Variants in ELMO1 observed in about 807,000 individuals in gnomAD.
ELMO1 encodes engulfment and cell motility 1.
In ELMO1, 26 loss-of-function variants were observed where a neutral mutation model predicts 98.9. The observed-to-expected ratio is 0.26, with a 90% CI of 0.19 to 0.36. The LOEUF is 0.36. Among genes scored for constraint, ELMO1 ranks in the 10% least tolerant of loss-of-function variants. The probability of loss-of-function intolerance (pLI) is 1.00; values close to 1 mark genes in which losing one functional copy is unlikely to be tolerated. For synonymous variants in ELMO1, 346 were observed against 346.0 expected (o/e 1.00, Z 0.00); for missense variants, 627 against 935.2 (o/e 0.67, Z 4.30).
In ELMO1 at chr7:37,390,441, C is replaced by G. The variant is rs1583672119; in HGVS notation, c.-73-47678G>C. 3.3e-5 allele frequency among the ~76,000 whole-genome samples: 5 copies of G among 152,142 alleles called. No homozygotes were observed. The East Asian group carries it at 7.7e-4, about 23-fold the overall frequency. On this transcript the variant is annotated intron_variant, in intron 1 of 21. Transcript: ENST00000310758. ...GTAGGGTGCCCCAAGGAGCACATTT[C>G]TTATTACACTCTGCCTTTTTTTTTT...
At chr7:37,323,534 A>G (rs913729026) in intron 2 of ELMO1, among the ~76,000 whole-genome samples, 30 of 152,188 alleles carry the variant, frequency 2.0e-4, no homozygotes, top group Admixed American at 1.9e-3. Flanking sequence ...TCTCTACTAA[A>G]TTACAAAAAT....
chr7:37,199,779 A>G (rs1229089716), intron 13 of ELMO1, among the ~76,000 whole-genome samples: 1 of 152,182 alleles, frequency 6.6e-6, no homozygotes, highest in East Asian at 1.9e-4. Context: ...TCCTTTCTCA[A>G]TGCAGCTGAC....
At chr7:36,920,099 C>T (rs1310845354) in intron 16 of ELMO1, among the ~76,000 whole-genome samples, 8 of 152,224 alleles carry the variant, frequency 5.3e-5, no homozygotes, top group Admixed American at 5.2e-4. Context: ...TTCAGCCTGG[C>T]CACTAAGACC....
rs951457253 is a variant in ELMO1, at chr7:36,887,718, G to A, written c.1602-46C>T. The A allele has an allele frequency of 3.1e-6, 5 of 1,589,828 alleles. No homozygotes were observed. The East Asian group carries it at 1.1e-4, about 36-fold the overall frequency. On this transcript the variant is annotated intron_variant, in intron 17 of 21. Transcript: ENST00000310758. ...ATTCCACAGCATGCCTTGAGAAACAGAGTGTGGCTTGGTGGGCATCATGGG... is the reference window on the plus strand; with the variant it reads ...ATTCCACAGCATGCCTTGAGAAACAAAGTGTGGCTTGGTGGGCATCATGGG...
At chr7:37,042,540 G>A (rs143497678) in intron 15 of ELMO1, among the ~76,000 whole-genome samples, 7 of 152,198 alleles carry the variant, frequency 4.6e-5, no homozygotes, top group African/African-American at 4.8e-5. Context: ...CTTTGGGCCC[G>A]GTCAGCTGTA....
intron 14 of ELMO1, among the ~76,000 whole-genome samples, chr7:37,103,691 T>TA (rs569178728): frequency 4.0e-5 from 6 of 150,984 alleles, no homozygotes; most frequent in Non-Finnish European, 8.9e-5. Flanking sequence ...AAATATTAAA[T>TA]AAAAAAAATA....
chr7:37,262,674 G>A (rs765640096), intron 5 of ELMO1, among the ~76,000 whole-genome samples: 3 of 152,190 alleles, frequency 2.0e-5, no homozygotes, highest in Non-Finnish European at 4.4e-5. Context: ...TAGGACATAG[G>A]TGAACAACTG....
intron 15 of ELMO1, among the ~76,000 whole-genome samples, chr7:37,028,365 T>C (rs1226803328): frequency 1.3e-5 from 2 of 152,188 alleles, no homozygotes; most frequent in Non-Finnish European, 2.9e-5. Context: ...CGACCTACCA[T>C]TTTTATGGAG....
chr7:37,191,077 T>C (rs1791540630), intron 13 of ELMO1, among the ~76,000 whole-genome samples: 1 of 149,476 alleles, frequency 6.7e-6, no homozygotes, highest in African/African-American at 2.5e-5. Flanking sequence ...TGGTCCCAGC[T>C]ACTCAGGAGG....
chr7:37,203,181 C>T (rs1415465928), intron 13 of ELMO1, among the ~76,000 whole-genome samples: 1 of 152,162 alleles, frequency 6.6e-6, no homozygotes, highest in African/African-American at 2.4e-5. Context: ...TGGACCCTTG[C>T]CTGTCCTCCT....
intron 4 of ELMO1, among the ~76,000 whole-genome samples, chr7:37,292,758 G>T (rs1350308412): frequency 1.0e-5 from 1 of 97,304 alleles, no homozygotes; most frequent in African/African-American, 3.6e-5. Context: ...CCCCCCGCCC[G>T]GCCAGCCACC....
In ELMO1 at chr7:37,013,541, G is replaced by A. The variant is rs1307852853; in HGVS notation, c.1301-106C>T. Reference sequence around the variant, plus strand: ...AAGGGAGACAAGCGGAGGTATCTTTGGTTCAGGCAATAATGGTGAAAAAGT... The same window carrying A: ...AAGGGAGACAAGCGGAGGTATCTTTAGTTCAGGCAATAATGGTGAAAAAGT... On this transcript the variant is annotated intron_variant, in intron 15 of 21. Coordinates refer to ENST00000310758, the MANE Select transcript of ELMO1 (RefSeq NM_014800.11). 16 of 1,329,142 alleles carry A rather than the reference G, an allele frequency of 1.2e-5. No individual in the cohort carries two copies. In the South Asian group the frequency reaches 1.7e-4, roughly 14 times the overall value. The allele number at this position is 1,329,142 out of a possible 1,614,324, so 82.3% of individuals were successfully genotyped here. A position where few individuals can be genotyped will look rare whatever the true frequency, so the allele number is the denominator to read the frequency against.
chr7:37,232,168 G>A (rs565295282), intron 8 of ELMO1, among the ~76,000 whole-genome samples: 2 of 152,206 alleles, frequency 1.3e-5, no homozygotes, highest in South Asian at 4.2e-4. Context: ...AAAATAAAAG[G>A]CTTAAAAACT....
intron 4 of ELMO1, among the ~76,000 whole-genome samples, chr7:37,302,956 C>T (rs1798422731): frequency 6.6e-6 from 1 of 152,164 alleles, no homozygotes; most frequent in Non-Finnish European, 1.5e-5. Context: ...CACTACCTTT[C>T]CTGGGTAGAG....
chr7:37,194,197 T>C (rs114101838), intron 13 of ELMO1, among the ~76,000 whole-genome samples: 1,765 of 152,334 alleles, frequency 0.012, 39 homozygotes, highest in African/African-American at 0.04. Flanking sequence ...AAGCAAATGT[T>C]AACTTGTGCT....
chr7:37,391,505 C>CTCT (rs952345706), intron 1 of ELMO1, among the ~76,000 whole-genome samples: 54 of 152,316 alleles, frequency 3.5e-4, no homozygotes, highest in Admixed American at 1.2e-3. Context: ...AAGTTGAGGA[C>CTCT]TCTTATGTTC....
chr7:37,322,079 C>T (rs1284249345), intron 2 of ELMO1, among the ~76,000 whole-genome samples: 3 of 151,114 alleles, frequency 2.0e-5, no homozygotes, highest in African/African-American at 4.8e-5. Context: ...AGACTGGTCT[C>T]GAACTCCTGA....
At chr7:37,325,226 G>A (rs979122803) in intron 2 of ELMO1, among the ~76,000 whole-genome samples, 4 of 152,208 alleles carry the variant, frequency 2.6e-5, no homozygotes, top group Admixed American at 6.5e-5. Flanking sequence ...GCATCCTGCT[G>A]TTTATTCTTA....
chr7:37,395,653 C>A (rs546968833), intron 1 of ELMO1, among the ~76,000 whole-genome samples: 23 of 151,590 alleles, frequency 1.5e-4, no homozygotes, highest in Non-Finnish European at 3.4e-4. Flanking sequence ...AGATGAAAAC[C>A]CAGGGTTTGG....
Sources: allele counts gnomAD v4.1 joint callset (sites outside exome capture counted in the v4.1 genomes callset), GRCh38; gene constraint gnomAD v4.1.1; transcripts MANE v1.5; gene names NCBI Gene and HGNC (gene_info 2026-07-23, HGNC 2026-07-21).